Variants in ARHGEF7 observed in about 807,000 individuals in gnomAD.
The protein encoded by ARHGEF7 is PAK-interacting exchange factor beta.
In ARHGEF7, 33 loss-of-function variants were observed where a neutral mutation model predicts 109.8. That is an observed-to-expected ratio of 0.30 (90% CI 0.23 to 0.40). The LOEUF is 0.40. Among genes scored for constraint, ARHGEF7 ranks in the 10% least tolerant of loss-of-function variants. The probability of loss-of-function intolerance (pLI) is 1.00; values close to 1 mark genes in which losing one functional copy is unlikely to be tolerated. For synonymous variants in ARHGEF7, 458 were observed against 424.6 expected, an observed-to-expected ratio of 1.08 and a Z score of -0.97; for missense variants, 938 against 1,098.5, an observed-to-expected ratio of 0.85 and a Z score of 2.07.
At chr13:111,129,167 A>C (rs1438023955) in intron 1 of ARHGEF7, among the ~76,000 whole-genome samples, 2 of 152,246 alleles carry the variant, frequency 1.3e-5, no homozygotes, top group Non-Finnish European at 1.5e-5. Context: ...ATATTTTTAA[A>C]GATGAACTTT....
At chr13:111,287,902 C>T (rs2093093976) in intron 17 of ARHGEF7, among the ~76,000 whole-genome samples, 1 of 152,200 alleles carries the variant, frequency 6.6e-6, no homozygotes, top group Admixed American at 6.5e-5. Context: ...ATGGCCACGT[C>T]GACACTGAGA....
intron 1 of ARHGEF7, among the ~76,000 whole-genome samples, chr13:111,115,928 C>CG (rs1298826104): frequency 4.7e-5 from 7 of 148,388 alleles, no homozygotes; most frequent in African/African-American, 1.2e-4. Flanking sequence ...GCGCGGGCGG[C>CG]GGGGGTCCCC....
rs201997885 is a variant in ARHGEF7, at chr13:111,264,351, A to T, written c.951-3197A>T. Among the ~76,000 whole-genome samples the T allele has an allele frequency of 7.2e-5, 11 of 152,318 alleles. No individual in the cohort carries two copies. In the East Asian group the frequency reaches 9.6e-4, roughly 13 times the overall value. On this transcript the variant is annotated intron_variant, in intron 8 of 21. Coordinates refer to ENST00000646102, the MANE Select transcript of ARHGEF7 (RefSeq NM_001354046.2). Reference sequence around the variant, plus strand: ...GAAGAACTGAATTTTTAATTTTTTTAAAAAATTTAGTTAACCTTACTTGAA... The same window carrying T: ...GAAGAACTGAATTTTTAATTTTTTTTAAAAATTTAGTTAACCTTACTTGAA...
At chr13:111,301,358 G>GGGTAA in intron 20 of ARHGEF7, 120 bp from the exon 21 acceptor site, 1 of 829,216 alleles carries the variant, frequency 1.2e-6, no homozygotes. Context: ...GACAGTACAT[G>GGGTAA]GGTAAGGCAG....
chr13:111,298,287 G>GTAC (rs1284141926), intron 19 of ARHGEF7, among the ~76,000 whole-genome samples: 1 of 152,190 alleles, frequency 6.6e-6, no homozygotes, highest in Non-Finnish European at 1.5e-5. Context: ...AGAAACATGG[G>GTAC]TACCCTTTGT....
chr13:111,298,430 C>T (rs1186212562), intron 19 of ARHGEF7, among the ~76,000 whole-genome samples: 1 of 152,176 alleles, frequency 6.6e-6, no homozygotes, highest in African/African-American at 2.4e-5. Flanking sequence ...CAGCATTACC[C>T]GTTAGCCAGG....
intron 6 of ARHGEF7, among the ~76,000 whole-genome samples, chr13:111,236,401 A>G (rs940954182): frequency 1.3e-5 from 2 of 151,892 alleles, no homozygotes; most frequent in Non-Finnish European, 2.9e-5. Context: ...TGCATGTCCT[A>G]TGATTTTTTA....
At position 111,286,228 on chromosome 13, in the gene ARHGEF7, G is replaced by A. The variant is rs760012676; in HGVS notation, c.2032G>A (p.Ala678Thr). 23 of 1,613,606 alleles carry A rather than the reference G, an allele frequency of 1.4e-5. No homozygotes were observed. Among genetic ancestry groups the A allele is most frequent in the East Asian group, 2.2e-5 (1 of 44,872 alleles). The part of the protein sequence containing the change: ...PERKPSDEEF[A>T]SRKSTAALEE... Reference sequence around the variant, plus strand: ...ACGGAAGCCTTCAGATGAGGAGTTCGCGTCCCGGAAAAGTGAGTACCTGCG... The same window carrying A: ...ACGGAAGCCTTCAGATGAGGAGTTCACGTCCCGGAAAAGTGAGTACCTGCG... Residue 678 changes from alanine (A) to threonine (T), a missense_variant, in exon 17 of 22, where the codon GCG (alanine) becomes ACG (threonine). Physicochemically the swap from Ala to Thr is moderately conservative, Grantham distance 58. Transcript: ENST00000646102.
rs115372800 is a variant in ARHGEF7 at position 111,267,470 on chromosome 13, G to A, written c.951-78G>A. The stretch of plus-strand genomic sequence containing the variant: ...CAGAGGGAGGTTTTCCTTACTCAGA[G>A]TATTATATGTCTGTCAGTTAGCAGT... On this transcript the variant is annotated intron_variant, in intron 8 of 21. Coordinates refer to ENST00000646102, the MANE Select transcript of ARHGEF7 (RefSeq NM_001354046.2). 2,558 of 1,579,012 alleles carry A rather than the reference G, an allele frequency of 1.6e-3. 44 individuals are homozygous for A. The African/African-American group carries it at 0.031, about 19-fold the overall frequency.
intron 2 of ARHGEF7, chr13:111,159,028 T>A (rs375932236): frequency 2.8e-6 from 2 of 718,384 alleles, no homozygotes; most frequent in Non-Finnish European, 5.2e-6. Flanking sequence ...CCTGTCTAGC[T>A]CCTGTTTCCT....
At position 111,239,223 on chromosome 13, in the gene ARHGEF7, C is replaced by T. The variant is rs1015727884; in HGVS notation, c.760-4649C>T. ...AATTCAGGGTGAGATTTGGGTGGGC[C>T]ATAGAGCCAAACCATATCACTTTCC... On this transcript the variant is annotated intron_variant, in intron 6 of 21. Transcript: ENST00000646102. The surrounding 1 kb of genome is among the most constrained non-coding windows in gnomAD (Gnocchi z 4.3). Among the ~76,000 whole-genome samples the T allele has an allele frequency of 6.6e-6, 1 of 152,172 alleles. No homozygotes were observed. The highest frequency in any genetic ancestry group is 2.4e-5 in the African/African-American group (1 of 41,434).
chr13:111,247,702 C>T (rs1039127123), intron 8 of ARHGEF7, among the ~76,000 whole-genome samples: 1 of 152,058 alleles, frequency 6.6e-6, no homozygotes, highest in African/African-American at 2.4e-5. Flanking sequence ...GGGTCAGATT[C>T]CGCCTACCAC....
chr13:111,143,112 C>G (rs2075425808), intron 1 of ARHGEF7, among the ~76,000 whole-genome samples: 1 of 152,210 alleles, frequency 6.6e-6, no homozygotes. Context: ...CGTCTGAGAA[C>G]ACAAGTATGA....
At chr13:111,289,969 G>A (rs1446837521) in intron 18 of ARHGEF7, among the ~76,000 whole-genome samples, 1 of 152,178 alleles carries the variant, frequency 6.6e-6, no homozygotes, top group Non-Finnish European at 1.5e-5. Flanking sequence ...AAACGGAAAG[G>A]CCTGGGTAAC....
chr13:111,156,848 A>T (rs1746748795), intron 2 of ARHGEF7, among the ~76,000 whole-genome samples: 1 of 152,252 alleles, frequency 6.6e-6, no homozygotes, highest in African/African-American at 2.4e-5. Context: ...CTTAAATTCT[A>T]GATTAGCTTT....
At chr13:111,151,191 A>G (rs1336540987) in intron 1 of ARHGEF7, among the ~76,000 whole-genome samples, 1 of 152,258 alleles carries the variant, frequency 6.6e-6, no homozygotes, top group Non-Finnish European at 1.5e-5. Flanking sequence ...TTCTTATAAA[A>G]CAAGCAGTCT....
At chr13:111,168,234 G>A (rs542003373) in intron 2 of ARHGEF7, among the ~76,000 whole-genome samples, 15 of 147,096 alleles carry the variant, frequency 1.0e-4, no homozygotes, top group African/African-American at 2.5e-4. Context: ...TGCCTCTGCC[G>A]CTCTCCCGCT....
intron 1 of ARHGEF7, among the ~76,000 whole-genome samples, chr13:111,153,293 G>A (rs377028560): frequency 6.6e-6 from 1 of 152,338 alleles, no homozygotes; most frequent in Non-Finnish European, 1.5e-5. Flanking sequence ...GGGAGAGGCC[G>A]AGGACCTGGC....
At chr13:111,236,793 C>G (rs1279265440) in intron 6 of ARHGEF7, among the ~76,000 whole-genome samples, 1 of 152,064 alleles carries the variant, frequency 6.6e-6, no homozygotes, top group African/African-American at 2.4e-5. Context: ...ATAACAAGAC[C>G]ATGTCTCTAG....
Sources: gnomAD v4.1 joint callset for allele counts (sites outside exome capture counted in the v4.1 genomes callset) on GRCh38, gnomAD v4.1.1 for gene constraint, Gnocchi (gnomAD v3.1) non-coding constraint, MANE v1.5 for transcripts, NCBI Gene and HGNC (gene_info 2026-07-23, HGNC 2026-07-21) for gene names.